IMMP2L: variants seen among roughly 807,000 people sequenced by gnomAD.
IMMP2L encodes mitochondrial inner membrane protease subunit 2.
In IMMP2L, 18 loss-of-function variants were observed where a neutral mutation model predicts 19.3. The observed-to-expected ratio is 0.93, with a 90% CI of 0.64 to 1.38. The LOEUF (loss-of-function observed/expected upper bound fraction) is 1.38, where lower values mean the gene tolerates loss of function less well. Ranked by LOEUF, IMMP2L falls within the 40% of genes most tolerant of loss-of-function variation. The probability of loss-of-function intolerance (pLI) is 0.00; values close to 1 mark genes in which losing one functional copy is unlikely to be tolerated. For synonymous variants in IMMP2L, 76 were observed against 73.0 expected (o/e 1.04, Z -0.21); for missense variants, 233 against 218.2 (o/e 1.07, Z -0.43).
intron 4 of IMMP2L, among the ~76,000 whole-genome samples, chr7:110,893,927 C>G (rs140508218): frequency 8.2e-4 from 124 of 152,094 alleles, no homozygotes; most frequent in Middle Eastern, 3.4e-3. Context: ...TAGCCTTTAC[C>G]TTCTCTCCAC....
intron 4 of IMMP2L, among the ~76,000 whole-genome samples, chr7:110,935,647 T>G (rs1039064171): frequency 6.6e-6 from 1 of 151,976 alleles, no homozygotes; most frequent in African/African-American, 2.4e-5. Context: ...AAAATTGCTA[T>G]GCACATCAAG....
At chr7:110,900,140 T>C (rs966769237) in intron 4 of IMMP2L, among the ~76,000 whole-genome samples, 1 of 152,196 alleles carries the variant, frequency 6.6e-6, no homozygotes, top group Non-Finnish European at 1.5e-5. Context: ...GTCTGACCCA[T>C]AAGAAATTGG....
intron 3 of IMMP2L, among the ~76,000 whole-genome samples, chr7:111,185,786 A>G (rs1033446320): frequency 6.6e-5 from 10 of 152,342 alleles, no homozygotes; most frequent in African/African-American, 2.2e-4. Context: ...TTTAGATGAA[A>G]TAACATGAGA....
At chr7:111,263,148 A>G (rs944879095) in intron 3 of IMMP2L, among the ~76,000 whole-genome samples, 8 of 152,232 alleles carry the variant, frequency 5.3e-5, no homozygotes, top group Middle Eastern at 3.4e-3. Flanking sequence ...TTTGGAGTAG[A>G]TAAGTGACAT....
chr7:111,412,656 C>T (rs1320935956), intron 3 of IMMP2L, among the ~76,000 whole-genome samples: 1 of 151,764 alleles, frequency 6.6e-6, no homozygotes, highest in Non-Finnish European at 1.5e-5. Context: ...CCCAAATGTG[C>T]TACACACTAA....
intron 2 of IMMP2L, among the ~76,000 whole-genome samples, chr7:111,506,665 G>A (rs1483133229): frequency 6.6e-6 from 1 of 152,186 alleles, no homozygotes; most frequent in East Asian, 1.9e-4. Context: ...AAAGTGCTGG[G>A]ATTACAGGCG....
At chr7:110,814,591 T>C (rs1802318766) in intron 5 of IMMP2L, among the ~76,000 whole-genome samples, 1 of 150,662 alleles carries the variant, frequency 6.6e-6, no homozygotes, top group African/African-American at 2.4e-5. Context: ...ACAACCTGAT[T>C]TCTTTTTCTT....
intron 5 of IMMP2L, among the ~76,000 whole-genome samples, chr7:110,871,109 C>T (rs977205847): frequency 6.6e-6 from 1 of 152,002 alleles, no homozygotes; most frequent in Admixed American, 6.6e-5. Flanking sequence ...CCAAGGATGC[C>T]GCCTAACTTT....
chr7:111,441,289 G>A (rs1250807037), intron 3 of IMMP2L, among the ~76,000 whole-genome samples: 2 of 151,878 alleles, frequency 1.3e-5, no homozygotes, highest in African/African-American at 4.9e-5. Flanking sequence ...TCACTAAGCT[G>A]AATAATTTCT....
At chr7:110,790,986 G>A (rs1800423382) in intron 5 of IMMP2L, among the ~76,000 whole-genome samples, 1 of 151,526 alleles carries the variant, frequency 6.6e-6, no homozygotes, top group Non-Finnish European at 1.5e-5. Flanking sequence ...CCTGAAAACT[G>A]ACAGACTTGG....
At chr7:111,146,954 T>G (rs1230724644) in intron 3 of IMMP2L, among the ~76,000 whole-genome samples, 1 of 152,080 alleles carries the variant, frequency 6.6e-6, no homozygotes, top group African/African-American at 2.4e-5. Flanking sequence ...AGGTCTTGGC[T>G]TTATATTCAA....
At chr7:110,912,560 A>C (rs1190056548) in intron 4 of IMMP2L, among the ~76,000 whole-genome samples, 2 of 152,070 alleles carry the variant, frequency 1.3e-5, no homozygotes, top group Admixed American at 6.6e-5. Context: ...GTGAGCATTA[A>C]AAATTATAGA....
intron 3 of IMMP2L, among the ~76,000 whole-genome samples, chr7:111,139,348 A>G (rs1283570080): frequency 6.6e-6 from 1 of 152,084 alleles, no homozygotes; most frequent in Non-Finnish European, 1.5e-5. Context: ...CTAGGTTGGT[A>G]TTTCTTTTTG....
In IMMP2L at chr7:111,195,810, T is replaced by C. The variant is rs1809419065; in HGVS notation, c.240-232245A>G. On this transcript the variant is annotated intron_variant, in intron 3 of 5. Coordinates refer to ENST00000405709, the MANE Select transcript of IMMP2L (RefSeq NM_032549.4). ...AGACTGTGTAATCAAATTTAATTTT[T>C]ATTGTTTATTTTATTTTATTTCATT... 4.0e-5 allele frequency among the ~76,000 whole-genome samples: 6 copies of C among 150,414 alleles called. No individual in the cohort carries two copies. In the South Asian group the frequency reaches 1.2e-3, roughly 31 times the overall value.
intron 3 of IMMP2L, among the ~76,000 whole-genome samples, chr7:111,341,468 C>T (rs192407909): frequency 6.6e-6 from 1 of 151,874 alleles, no homozygotes; most frequent in African/African-American, 2.4e-5. Flanking sequence ...TATATATACA[C>T]CAAATGAGAC....
At chr7:111,197,068 T>C in intron 3 of IMMP2L, among the ~76,000 whole-genome samples, 1 of 152,306 alleles carries the variant, frequency 6.6e-6, no homozygotes, top group Non-Finnish European at 1.5e-5. Flanking sequence ...GAATTAATGC[T>C]ATGTTATTTT....
intron 3 of IMMP2L, among the ~76,000 whole-genome samples, chr7:111,464,310 G>T (rs1401448668): frequency 1.3e-5 from 2 of 152,100 alleles, no homozygotes; most frequent in East Asian, 3.9e-4. Flanking sequence ...CCTTGCCTCT[G>T]CAAAATATTT....
chr7:110,702,905 G>C (rs1286962757), intron 5 of IMMP2L, among the ~76,000 whole-genome samples: 3 of 151,020 alleles, frequency 2.0e-5, no homozygotes, highest in African/African-American at 7.3e-5. Context: ...TCTTTTTCTT[G>C]TTGTACTGTA....
chr7:111,535,819 T>C (rs1453769514), intron 1 of IMMP2L, among the ~76,000 whole-genome samples: 1 of 152,072 alleles, frequency 6.6e-6, no homozygotes, highest in African/African-American at 2.4e-5. Flanking sequence ...CAGGGAAGAA[T>C]GCTGTGGGGC....
Sources: allele counts gnomAD v4.1 joint callset (sites outside exome capture counted in the v4.1 genomes callset), GRCh38; gene constraint gnomAD v4.1.1; transcripts MANE v1.5; gene names NCBI Gene and HGNC (gene_info 2026-07-23, HGNC 2026-07-21).